Variants in HMGB1 observed in about 807,000 individuals in gnomAD.
The protein encoded by HMGB1 is high mobility group protein B1.
For synonymous variants in HMGB1, 81 were observed against 84.0 expected (o/e 0.96, Z 0.19); for missense variants, 79 against 253.5 (o/e 0.31, Z 4.67).
chr13:30,591,397 T>G (rs1034013786), intron 1 of HMGB1, among the ~76,000 whole-genome samples: 1 of 152,128 alleles, frequency 6.6e-6, no homozygotes, highest in Non-Finnish European at 1.5e-5. Context: ...TGATATCCAG[T>G]AAGTTTTGAT....
intron 1 of HMGB1, among the ~76,000 whole-genome samples, chr13:30,541,439 T>G (rs1384464686): frequency 6.8e-6 from 1 of 146,414 alleles, no homozygotes; most frequent in African/African-American, 2.8e-5. Flanking sequence ...TGGATAGTGC[T>G]TTTCTGGGGG....
intron 1 of HMGB1, among the ~76,000 whole-genome samples, chr13:30,465,565 G>C (rs1886733393): frequency 6.6e-6 from 1 of 150,684 alleles, no homozygotes; most frequent in African/African-American, 2.4e-5. Flanking sequence ...CTCGCGGGGC[G>C]CGGGGCTCCC....
At chr13:30,484,952 T>C (rs1887329435) in intron 1 of HMGB1, among the ~76,000 whole-genome samples, 1 of 151,484 alleles carries the variant, frequency 6.6e-6, no homozygotes, top group African/African-American at 2.4e-5. Flanking sequence ...CACAGCTGGG[T>C]AAATGTGCAA....
rs528947472 is a variant in HMGB1 at position 30,471,914 on chromosome 13, G to A, written c.-14-8220C>T. ...ACTCCTGACCTCAGGTGATCCGCCCGCCTAAGGCCTCCCAGAGTGCTGGGA... is the reference window on the plus strand; with the variant it reads ...ACTCCTGACCTCAGGTGATCCGCCCACCTAAGGCCTCCCAGAGTGCTGGGA... On this transcript the variant is annotated intron_variant, in intron 1 of 4. Coordinates refer to the HMGB1 transcript ENST00000405805. 4.6e-4 allele frequency among the ~76,000 whole-genome samples: 68 copies of A among 148,208 alleles called. 2 individuals are homozygous for A. The highest frequency in any genetic ancestry group is 1.5e-3 in the African/African-American group (60 of 40,430).
At chr13:30,465,613 G>A (rs1342989609) in intron 1 of HMGB1, among the ~76,000 whole-genome samples, 183 bp downstream of exon 1, 1 of 151,264 alleles carries the variant, frequency 6.6e-6, no homozygotes, top group East Asian at 1.9e-4. Context: ...GCACCGGCGC[G>A]GGGCAGCGTT....
At chr13:30,485,101 G>A (rs1437801402) in intron 1 of HMGB1, among the ~76,000 whole-genome samples, 6 of 144,766 alleles carry the variant, frequency 4.1e-5, no homozygotes, top group South Asian at 2.1e-4. Flanking sequence ...GTGCAATCTC[G>A]GCTTACTGCA....
At chr13:30,493,805 G>A (rs573389513) in intron 1 of HMGB1, among the ~76,000 whole-genome samples, 24 of 151,862 alleles carry the variant, frequency 1.6e-4, no homozygotes, top group South Asian at 1.2e-3. Flanking sequence ...CTCTTACATA[G>A]AACAAAACAA....
At chr13:30,616,553 C>T (rs1038683974) in intron 1 of HMGB1, 1 of 152,136 alleles carries the variant, frequency 6.6e-6, no homozygotes, top group Non-Finnish European at 1.5e-5. Flanking sequence ...GGAGGAAGTA[C>T]TACTTTCTCC....
At chr13:30,504,746 ACT>A (rs1376895870) in intron 1 of HMGB1, among the ~76,000 whole-genome samples, 1 of 152,106 alleles carries the variant, frequency 6.6e-6, no homozygotes, top group Non-Finnish European at 1.5e-5. Flanking sequence ...TTGAAGGGTA[ACT>A]CTGATTAAAA....
At chr13:30,605,082 C>T (rs973875488) in intron 1 of HMGB1, among the ~76,000 whole-genome samples, 8 of 152,094 alleles carry the variant, frequency 5.3e-5, no homozygotes, top group African/African-American at 1.7e-4. Context: ...GTTCCTCATA[C>T]GGAGATGAGG....
intron 1 of HMGB1, chr13:30,553,843 G>A (rs1409639278): frequency 1.2e-5 from 16 of 1,344,546 alleles, no homozygotes; most frequent in Admixed American, 5.1e-5. Flanking sequence ...GATCACAGTC[G>A]TGTTAAACTG....
chr13:30,577,174 C>T (rs1240709383), intron 1 of HMGB1, among the ~76,000 whole-genome samples: 2 of 151,932 alleles, frequency 1.3e-5, no homozygotes, highest in Non-Finnish European at 2.9e-5. Context: ...GAGACTCCAT[C>T]TCTACAAGAA....
intron 1 of HMGB1, among the ~76,000 whole-genome samples, chr13:30,478,871 C>CTTTTTTT (rs3042542): frequency 7.9e-6 from 1 of 126,140 alleles, no homozygotes; most frequent in Non-Finnish European, 1.7e-5. Context: ...CTTTTCTTTT[C>CTTTTTTT]TTTTTTTTTT....
intron 1 of HMGB1, among the ~76,000 whole-genome samples, chr13:30,538,001 AACAG>A (rs1246717310): frequency 6.6e-6 from 1 of 152,116 alleles, no homozygotes. Context: ...TCTAAGACCA[AACAG>A]ACAGTCCCCT....
intron 1 of HMGB1, among the ~76,000 whole-genome samples, chr13:30,524,337 TA>T (rs756389867): frequency 0.13 from 6,147 of 47,404 alleles, 156 homozygotes; most frequent in Admixed American, 0.19. Context: ...TAAAGTATAT[TA>T]AAAAAAAAAA....
At chr13:30,549,844 G>C (rs948353804) in intron 1 of HMGB1, among the ~76,000 whole-genome samples, 3 of 152,004 alleles carry the variant, frequency 2.0e-5, no homozygotes, top group Admixed American at 2.0e-4. Context: ...AGCTTCCCGA[G>C]TACCTGGGAT....
chr13:30,519,203 G>A (rs1295436535), intron 1 of HMGB1, among the ~76,000 whole-genome samples: 3 of 151,132 alleles, frequency 2.0e-5, no homozygotes, highest in Admixed American at 6.6e-5. Flanking sequence ...GACCAGCCTG[G>A]CCAACATGGT....
chr13:30,571,874 C>T (rs1400049024), intron 1 of HMGB1, among the ~76,000 whole-genome samples: 4 of 151,816 alleles, frequency 2.6e-5, no homozygotes, highest in South Asian at 2.1e-4. Flanking sequence ...TAATGAGTTT[C>T]GTATATATAT....
chr13:30,536,257 T>C lies in HMGB1; in HGVS notation c.-14-72563A>G, dbSNP rs1432355279. Among the ~76,000 whole-genome samples, 7 of 152,230 alleles carry C rather than the reference T, an allele frequency of 4.6e-5. No individual in the cohort carries two copies. The East Asian group carries it at 1.3e-3, about 29-fold the overall frequency. ...ACATATATGCATAGTATATAAAACATAATATTGACTTCCTATCATAGGGTA... is the reference window on the plus strand; with the variant it reads ...ACATATATGCATAGTATATAAAACACAATATTGACTTCCTATCATAGGGTA... On this transcript the variant is annotated intron_variant, in intron 1 of 4. Coordinates refer to the HMGB1 transcript ENST00000405805.
Sources: gnomAD v4.1 joint callset for allele counts (sites outside exome capture counted in the v4.1 genomes callset) on GRCh38, gnomAD v4.1.1 for gene constraint, MANE v1.5 for transcripts, NCBI Gene and HGNC (gene_info 2026-07-23, HGNC 2026-07-21) for gene names.